The following MAX variants were observed in gnomAD, a reference collection of about 807,000 sequenced individuals.
MAX encodes the protein protein max.
In MAX, 3 loss-of-function variants were observed where a neutral mutation model predicts 22.3. That is an observed-to-expected ratio of 0.13 (90% CI 0.06 to 0.35). The LOEUF is 0.35. Among genes scored for constraint, MAX ranks in the 10% least tolerant of loss-of-function variants. The pLI is 1.00. For missense variants in MAX, 119 were observed against 209.4 expected (o/e 0.57, Z 2.66); for synonymous variants, 72 against 77.7 (o/e 0.93, Z 0.39).
chr14:65,014,044 G>A lies in MAX; in HGVS notation c.172-7760C>T, dbSNP rs906403825. ...CTCACCAGCCTACCTTCCAGGTGGT[G>A]GGTTAGCCACAGCTTGGGATATCAG... is the stretch of plus-strand genomic sequence containing the variant. On this transcript the variant is annotated intron_variant, in intron 3 of 3. Coordinates refer to the MAX transcript ENST00000341653. The surrounding 1 kb of genome is among the most constrained non-coding windows in gnomAD (Gnocchi z 5.1). Among the ~76,000 whole-genome samples the A allele has an allele frequency of 4.6e-5, 7 of 152,160 alleles. No individual in the cohort carries two copies. The highest frequency in any genetic ancestry group is 1.0e-4 in the Non-Finnish European group (7 of 68,024).
chr14:65,094,505 G>A (rs1207074635), intron 2 of MAX, among the ~76,000 whole-genome samples: 1 of 152,266 alleles, frequency 6.6e-6, no homozygotes, highest in Non-Finnish European at 1.5e-5. Context: ...CACAGGCAGT[G>A]CCTGACAGGC....
At chr14:65,066,712 C>T (rs374471510) in intron 3 of MAX, among the ~76,000 whole-genome samples, 5 of 151,428 alleles carry the variant, frequency 3.3e-5, no homozygotes, top group East Asian at 1.9e-4. Context: ...AAATTAGCCG[C>T]GCATGGTGGT....
Position 65,040,224 on chromosome 14 carries a change from T to G in MAX, c.172-33940A>C, listed in dbSNP as rs73270823. Among the ~76,000 whole-genome samples the G allele has an allele frequency of 0.011, 1,613 of 151,136 alleles. 39 individuals are homozygous for G. The East Asian group carries it at 0.11, about 11-fold the overall frequency. The stretch of plus-strand genomic sequence containing the variant: ...TAGAATCAACAATCACTCTTTAATT[T>G]TATTTTAACTTGATGGTTATCACTA... On this transcript the variant is annotated intron_variant, in intron 3 of 3. Coordinates refer to the MAX transcript ENST00000341653.
chr14:65,073,843 G>A (rs1048786323), downstream of MAX, among the ~76,000 whole-genome samples: 11 of 152,260 alleles, frequency 7.2e-5, no homozygotes, highest in Admixed American at 6.5e-4. Flanking sequence ...GCCAAAGTCC[G>A]CTCACCATGT....
chr14:65,015,194 C>A (rs1245880097), intron 3 of MAX, among the ~76,000 whole-genome samples: 1 of 151,788 alleles, frequency 6.6e-6, no homozygotes, highest in Non-Finnish European at 1.5e-5. Flanking sequence ...CCTCTGCCTC[C>A]CGGGTTCAAG....
intron 2 of MAX, among the ~76,000 whole-genome samples, chr14:65,099,224 T>C (rs980894398): frequency 6.6e-6 from 1 of 152,154 alleles, no homozygotes; most frequent in African/African-American, 2.4e-5. Flanking sequence ...TTATAACATA[T>C]CTGCTTTTTC....
chr14:65,035,466 G>A (rs943839835), intron 3 of MAX, among the ~76,000 whole-genome samples: 1 of 152,150 alleles, frequency 6.6e-6, no homozygotes, highest in South Asian at 2.1e-4. Flanking sequence ...GACAGCCTGG[G>A]TTTGAATCCC....
intron 3 of MAX, among the ~76,000 whole-genome samples, chr14:65,049,977 C>CAT (rs553236625): frequency 1.3e-5 from 2 of 151,886 alleles, no homozygotes; most frequent in East Asian, 3.9e-4. Flanking sequence ...AAGTATAAAA[C>CAT]ATATATATGT....
At position 65,012,230 on chromosome 14, in the gene MAX, T is replaced by A; in HGVS notation, c.172-5946A>T. 1.3e-6 allele frequency: 2 copies of A among 1,545,510 alleles called. No homozygotes were observed. The highest frequency in any genetic ancestry group is 3.4e-5 in the Admixed American group (2 of 58,908). Reference sequence around the variant, plus strand: ...AGGGGGACGTCCTGAAGCTGAGTGTTTACCCGTGTGTGTGTACGTGCACAT... The same window carrying A: ...AGGGGGACGTCCTGAAGCTGAGTGTATACCCGTGTGTGTGTACGTGCACAT... On this transcript the variant is annotated intron_variant, in intron 3 of 3. Transcript: ENST00000341653. This position sits in a 1 kb window ranked among gnomAD's most constrained non-coding sequence, Gnocchi z 5.0.
At chr14:65,094,116 C>G (rs914864085) in intron 2 of MAX, 1 of 392,454 alleles carries the variant, frequency 2.5e-6, no homozygotes, top group African/African-American at 2.1e-5. Context: ...CATCAGTGGT[C>G]CCCCCCAACT....
intron 3 of MAX, among the ~76,000 whole-genome samples, chr14:65,049,929 A>G (rs1413902148): frequency 1.3e-5 from 2 of 152,144 alleles, no homozygotes; most frequent in African/African-American, 4.8e-5. Context: ...TTAAAAAGGA[A>G]ATCGTGAAGG....
intron 3 of MAX, among the ~76,000 whole-genome samples, chr14:65,013,673 G>T (rs999769283): frequency 9.2e-5 from 14 of 152,116 alleles, no homozygotes; most frequent in African/African-American, 3.4e-4. Flanking sequence ...TCAGCCTTCT[G>T]AGTGGCCAGG....
At chr14:65,055,194 ATG>A (rs35335443) in intron 3 of MAX, among the ~76,000 whole-genome samples, 37,894 of 152,062 alleles carry the variant, frequency 0.25, 5,081 homozygotes, top group Non-Finnish European at 0.3. Context: ...GTGTTGTTTA[ATG>A]TGTGTTTGTC....
chr14:65,028,001 A>G lies in MAX; in HGVS notation c.172-21717T>C, dbSNP rs1212459720. 6.6e-6 allele frequency among the ~76,000 whole-genome samples: 1 copy of G among 152,356 alleles called. No individual in the cohort carries two copies. Among genetic ancestry groups the G allele is most frequent in the East Asian group, 1.9e-4 (1 of 5,190 alleles). On this transcript the variant is annotated intron_variant, in intron 3 of 3. Transcript: ENST00000341653. The surrounding 1 kb of genome is among the most constrained non-coding windows in gnomAD (Gnocchi z 4.4). ...TTATTTTATGTAAATGTGAAAATAT[A>G]AGAAACAAATGCTTTTGTTTTAGAA...
At chr14:65,080,776 G>A (rs947437548) in intron 3 of MAX, among the ~76,000 whole-genome samples, 12 of 152,140 alleles carry the variant, frequency 7.9e-5, no homozygotes, top group Admixed American at 1.3e-4. Context: ...ATGTGCATCC[G>A]GGACAAGGGA....
At chr14:65,024,908 T>C (rs145398930) in intron 3 of MAX, among the ~76,000 whole-genome samples, 229 of 152,334 alleles carry the variant, frequency 1.5e-3, no homozygotes, top group African/African-American at 5.1e-3. Flanking sequence ...CACAAGCCAC[T>C]ATGCCTGGCT....
Position 65,032,032 on chromosome 14 carries a change from T to C in MAX, c.172-25748A>G, listed in dbSNP as rs545333231. Among the ~76,000 whole-genome samples the C allele has an allele frequency of 6.8e-6, 1 of 146,448 alleles. No homozygotes were observed. The highest frequency in any genetic ancestry group is 2.6e-5 in the African/African-American group (1 of 38,030). ...TGTGTGTGTGTGTACTGGTGAGAGG[T>C]TTGAAATCAAGGCTCTTTTCTCCCT... On this transcript the variant is annotated intron_variant, in intron 3 of 3. Coordinates refer to the MAX transcript ENST00000341653. The surrounding 1 kb of genome is among the most constrained non-coding windows in gnomAD (Gnocchi z 5.0).
At chr14:65,045,032 C>T (rs1425224625) in intron 3 of MAX, among the ~76,000 whole-genome samples, 3 of 152,170 alleles carry the variant, frequency 2.0e-5, no homozygotes, top group African/African-American at 7.2e-5. Context: ...GTTCCACCTG[C>T]ACCATTGGAG....
chr14:65,096,382 C>T (rs909542064), intron 2 of MAX, among the ~76,000 whole-genome samples: 9 of 152,192 alleles, frequency 5.9e-5, no homozygotes, highest in African/African-American at 2.2e-4. Flanking sequence ...AACTAACAAG[C>T]CTAATTCCAG....
Sources: gnomAD v4.1 joint callset for allele counts (sites outside exome capture counted in the v4.1 genomes callset) on GRCh38, gnomAD v4.1.1 for gene constraint, Gnocchi (gnomAD v3.1) non-coding constraint, MANE v1.5 for transcripts, NCBI Gene and HGNC (gene_info 2026-07-23, HGNC 2026-07-21) for gene names.